Variants in GATAD2A observed in about 807,000 individuals in gnomAD.
GATAD2A encodes the protein GATA zinc finger domain containing 2A.
A neutral mutation model predicts 68.5 loss-of-function variants in GATAD2A; 12 were observed. The ratio of observed to expected loss-of-function variants is 0.18; its 90% CI spans 0.11 to 0.28. The LOEUF (loss-of-function observed/expected upper bound fraction) is 0.28. GATAD2A is among the 10% of genes least tolerant of loss of function. The probability of loss-of-function intolerance (pLI) is 1.00; values close to 1 mark genes in which losing one functional copy is unlikely to be tolerated. For synonymous variants in GATAD2A, 410 were observed against 375.3 expected (o/e 1.09, Z -1.07); for missense variants, 755 against 868.5 (o/e 0.87, Z 1.64).
At chr19:19,469,704 TG>T (rs1226817559) in intron 2 of GATAD2A, among the ~76,000 whole-genome samples, 1 of 152,182 alleles carries the variant, frequency 6.6e-6, no homozygotes, top group Admixed American at 6.5e-5. Flanking sequence ...GCCAGCACTT[TG>T]GGAGGCCAAA....
At chr19:19,429,017 GTTTTT>G (rs35115269) in intron 1 of GATAD2A, among the ~76,000 whole-genome samples, 2 of 130,114 alleles carry the variant, frequency 1.5e-5, no homozygotes, top group Non-Finnish European at 1.6e-5. Context: ...GCATTTGTAT[GTTTTT>G]TTTTTTTTTT....
At chr19:19,467,013 T>G (rs2057918624) in intron 2 of GATAD2A, among the ~76,000 whole-genome samples, 1 of 152,180 alleles carries the variant, frequency 6.6e-6, no homozygotes, top group Non-Finnish European at 1.5e-5. Context: ...ATGCATTTTC[T>G]CCTGTAATCA....
At chr19:19,416,115 A>G (rs1397637643) in intron 1 of GATAD2A, among the ~76,000 whole-genome samples, 3 of 152,124 alleles carry the variant, frequency 2.0e-5, no homozygotes, top group South Asian at 2.1e-4. Context: ...CCCATCTATT[A>G]TAAGATGTAA....
intron 1 of GATAD2A, among the ~76,000 whole-genome samples, chr19:19,442,944 C>T (rs1313946370): frequency 3.3e-5 from 5 of 151,932 alleles, no homozygotes; most frequent in East Asian, 1.9e-4. Flanking sequence ...ACTCCAGGAA[C>T]GAGAGTGTGG....
At chr19:19,500,919 G>A (rs571151240) in intron 8 of GATAD2A, among the ~76,000 whole-genome samples, 199 bp from the exon 9 acceptor site, 8 of 152,374 alleles carry the variant, frequency 5.3e-5, no homozygotes, top group African/African-American at 1.4e-4. Context: ...TCCAGCGATG[G>A]GTGGGACAGG....
chr19:19,502,219 A>AC, intron 10 of GATAD2A, 112 bp from the exon 11 acceptor site: 1 of 958,974 alleles, frequency 1.0e-6, no homozygotes, highest in Admixed American at 2.3e-5. Flanking sequence ...GACTTTAGGG[A>AC]CCCCATGTGG....
At chr19:19,451,643 G>A (rs924146259) in intron 1 of GATAD2A, among the ~76,000 whole-genome samples, 1 of 152,162 alleles carries the variant, frequency 6.6e-6, no homozygotes, top group Non-Finnish European at 1.5e-5. Flanking sequence ...TGAAGTAGGC[G>A]GGTGGGAATG....
At chr19:19,448,034 C>T (rs73530412) in intron 1 of GATAD2A, among the ~76,000 whole-genome samples, 237 of 152,350 alleles carry the variant, frequency 1.6e-3, no homozygotes, top group African/African-American at 5.4e-3. Context: ...TGTGATGTGA[C>T]GCCTGATGGG....
At chr19:19,444,703 T>A (rs2147719272) in intron 1 of GATAD2A, among the ~76,000 whole-genome samples, 1 of 152,136 alleles carries the variant, frequency 6.6e-6, no homozygotes, top group South Asian at 2.1e-4. Context: ...AGACCTCGTC[T>A]CTACAAAAAG....
rs2060869691 is a variant in GATAD2A, at chr19:19,506,420, T to A, written c.*946T>A. On this transcript the variant is annotated 3_prime_UTR_variant, in exon 12 of 12. Coordinates refer to ENST00000683918, the MANE Select transcript of GATAD2A (RefSeq NM_001384528.1). ...TATTAAATTTTTTCCTTTTTTCTAT[T>A]CATTTCGATGGACGCAATCTTAAGC... 1 of 321,432 alleles carries A rather than the reference T, an allele frequency of 3.1e-6. No individual in the cohort carries two copies. The highest frequency in any genetic ancestry group is 1.6e-4 in the South Asian group (1 of 6,308). The allele number at this position is 321,432 out of a possible 1,614,324, so 19.9% of individuals were successfully genotyped here. A position where few individuals can be genotyped will look rare whatever the true frequency, so the allele number is the denominator to read the frequency against.
chr19:19,409,773 C>T (rs528348408), intron 1 of GATAD2A, among the ~76,000 whole-genome samples: 6 of 152,120 alleles, frequency 3.9e-5, no homozygotes, highest in Admixed American at 6.6e-5. Context: ...GGACAGATCC[C>T]GCTCGAGCAT....
chr19:19,484,518 CTTTTTTT>C (rs58628123), intron 2 of GATAD2A, among the ~76,000 whole-genome samples: 11 of 114,466 alleles, frequency 9.6e-5, no homozygotes, highest in Non-Finnish European at 1.4e-4. Flanking sequence ...TTTTCTTTTT[CTTTTTTT>C]TTTTTTCTTT....
intron 1 of GATAD2A, among the ~76,000 whole-genome samples, chr19:19,394,352 G>T (rs997315147): frequency 3.9e-5 from 6 of 152,044 alleles, no homozygotes; most frequent in African/African-American, 1.4e-4. Flanking sequence ...TGTTGGTGGT[G>T]GTTTAGGAAT....
At chr19:19,495,666 C>T (rs2060100813) in intron 5 of GATAD2A, 88 bp from the exon 6 acceptor site, 3 of 782,970 alleles carry the variant, frequency 3.8e-6, no homozygotes, top group Non-Finnish European at 3.9e-6. Context: ...CTAGTATGTA[C>T]TTTCATAAAA....
In GATAD2A at chr19:19,469,418, C is replaced by T. The variant is rs1013929325; in HGVS notation, c.269+3804C>T. Among the ~76,000 whole-genome samples, 12 of 133,260 alleles carry T rather than the reference C, an allele frequency of 9.0e-5. No homozygotes were observed. The South Asian group carries it at 1.8e-3, about 20-fold the overall frequency. 87.4% of individuals were successfully genotyped at this position (133,260 alleles called of 152,430 possible). A position where few individuals can be genotyped will look rare whatever the true frequency, so the allele number is the denominator to read the frequency against. ...CTGCACTCCAACCTGGATGAAAGAA[C>T]GAGACTCCATCTCAAAAAAAAAGAA... On this transcript the variant is annotated intron_variant, in intron 2 of 11. Transcript: ENST00000683918.
At chr19:19,414,217 A>G (rs1044694183) in intron 1 of GATAD2A, among the ~76,000 whole-genome samples, 3 of 152,186 alleles carry the variant, frequency 2.0e-5, no homozygotes, top group African/African-American at 7.2e-5. Flanking sequence ...AGGATTAGAA[A>G]TATAACTATT....
intron 1 of GATAD2A, among the ~76,000 whole-genome samples, chr19:19,449,815 T>C (rs1473484642): frequency 1.3e-5 from 2 of 152,190 alleles, no homozygotes; most frequent in Admixed American, 6.5e-5. Context: ...ATAAATTGAT[T>C]TTAAAAAATA....
chr19:19,429,281 G>A, intron 1 of GATAD2A: 3 of 963,398 alleles, frequency 3.1e-6, no homozygotes, highest in Non-Finnish European at 3.7e-6. Flanking sequence ...TGAGTAACAG[G>A]TGCTTGAACC....
intron 8 of GATAD2A, 70 bp downstream of exon 8, chr19:19,498,792 T>C: frequency 7.4e-7 from 1 of 1,358,148 alleles, no homozygotes; most frequent in Admixed American, 1.8e-5. Context: ...GTGGGTTCTT[T>C]CCAACACACA....
Sources: allele counts gnomAD v4.1 joint callset (sites outside exome capture counted in the v4.1 genomes callset), GRCh38; gene constraint gnomAD v4.1.1; transcripts MANE v1.5; gene names NCBI Gene and HGNC (gene_info 2026-07-23, HGNC 2026-07-21).